Variants in CCDC178 observed in about 807,000 individuals in gnomAD.
CCDC178 encodes the protein coiled-coil domain-containing protein 178.
In CCDC178, 126 loss-of-function variants were observed where a neutral mutation model predicts 117.4. The ratio of observed to expected loss-of-function variants is 1.07; its 90% CI spans 0.93 to 1.24. The LOEUF (loss-of-function observed/expected upper bound fraction) is 1.24. Ranked by LOEUF, CCDC178 falls within the 50% of genes most tolerant of loss-of-function variation. CCDC178 has a pLI of 0.00. For synonymous variants in CCDC178, 283 were observed against 313.4 expected (o/e 0.90, Z 1.02); for missense variants, 1,030 against 986.9 (o/e 1.04, Z -0.59).
chr18:33,429,173 T>A (rs1203413361), intron 2 of CCDC178, among the ~76,000 whole-genome samples: 1 of 152,080 alleles, frequency 6.6e-6, no homozygotes, highest in Non-Finnish European at 1.5e-5. Flanking sequence ...ATACTGCAAA[T>A]GTGGATAACA....
rs1419433630 is a variant in CCDC178 at position 33,223,126 on chromosome 18, C to T, written c.1912G>A (p.Asp638Asn). The part of the protein sequence containing the change: ...KLRKKGKKTL[D>N]ALIETESKRS... ...CTTACCTCAGTTTCTATTAATGCATCAAGGGTTTTCTTCCCCTTTTTTCGT... is the reference window on the plus strand; with the variant it reads ...CTTACCTCAGTTTCTATTAATGCATTAAGGGTTTTCTTCCCCTTTTTTCGT... Residue 638 changes from aspartate (D) to asparagine (N), a missense_variant, in exon 18 of 23, where the codon GAT (aspartate) becomes AAT (asparagine). By Grantham distance (23) the Asp-to-Asn change is conservative. Transcript: ENST00000383096. 6.2e-7 allele frequency: 1 copy of T among 1,602,718 alleles called. No individual in the cohort carries two copies. The highest frequency in any genetic ancestry group is 8.5e-7 in the Non-Finnish European group (1 of 1,172,496).
rs189339319 is a variant in CCDC178 at position 33,255,508 on chromosome 18, G to T, written c.1410-10080C>A. On this transcript the variant is annotated intron_variant, in intron 14 of 22. Coordinates refer to ENST00000383096, the MANE Select transcript of CCDC178 (RefSeq NM_001105528.4). ...TATTGGTAATTGAAATAGAGAAAAA[G>T]TAAAGTACCCATTGGAGAGATATTT... Among the ~76,000 whole-genome samples, 238 of 152,158 alleles carry T rather than the reference G, an allele frequency of 1.6e-3. 1 individual carries two copies. The highest frequency in any genetic ancestry group is 5.4e-3 in the African/African-American group (226 of 41,552).
At chr18:33,312,058 C>T in intron 11 of CCDC178, among the ~76,000 whole-genome samples, 1 of 152,162 alleles carries the variant, frequency 6.6e-6, no homozygotes, top group Non-Finnish European at 1.5e-5. Flanking sequence ...TCCCTATCAT[C>T]TCTGTTAAGA....
At chr18:33,250,829 T>C (rs1195067195) in intron 14 of CCDC178, among the ~76,000 whole-genome samples, 1 of 150,858 alleles carries the variant, frequency 6.6e-6, no homozygotes, top group Non-Finnish European at 1.5e-5. Context: ...ACTGAAAAAA[T>C]TACACACACA....
intron 20 of CCDC178, among the ~76,000 whole-genome samples, chr18:33,138,268 T>C (rs1027384460): frequency 6.6e-6 from 1 of 152,222 alleles, no homozygotes; most frequent in African/African-American, 2.4e-5. Context: ...TGTTTATGTA[T>C]ATCTACATGA....
intron 21 of CCDC178, among the ~76,000 whole-genome samples, chr18:33,060,212 T>C (rs2056900363): frequency 6.6e-6 from 1 of 152,146 alleles, no homozygotes; most frequent in Non-Finnish European, 1.5e-5. Context: ...GCATCATTGG[T>C]AAAAGGAGCC....
Position 33,302,659 on chromosome 18 carries a change from G to A in CCDC178, c.1023-9347C>T, listed in dbSNP as rs936354450. Among the ~76,000 whole-genome samples, 4 of 152,262 alleles carry A rather than the reference G, an allele frequency of 2.6e-5. No homozygotes were observed. In the East Asian group the frequency reaches 5.8e-4, roughly 22 times the overall value. ...CAAAGAAAATGTGATATGTATACAC[G>A]ACGTAATACTATTCTCCACAAAAAG... On this transcript the variant is annotated intron_variant, in intron 11 of 22. Coordinates refer to ENST00000383096, the MANE Select transcript of CCDC178 (RefSeq NM_001105528.4).
intron 15 of CCDC178, 74 bp downstream of exon 15, chr18:33,245,171 A>C: frequency 2.3e-6 from 3 of 1,280,356 alleles, no homozygotes; most frequent in South Asian, 4.3e-5. Flanking sequence ...CTAATTATCA[A>C]GATGAAATCG....
At chr18:32,967,652 A>G (rs2054843208) in intron 22 of CCDC178, among the ~76,000 whole-genome samples, 1 of 151,708 alleles carries the variant, frequency 6.6e-6, no homozygotes, top group Non-Finnish European at 1.5e-5. Context: ...TAATGCATTT[A>G]GCCTTACTTT....
intron 15 of CCDC178, among the ~76,000 whole-genome samples, chr18:33,233,656 C>T (rs1450724061): frequency 3.3e-5 from 5 of 151,788 alleles, no homozygotes; most frequent in Admixed American, 6.6e-5. Context: ...ATGCCTAATA[C>T]CTTTAAGAAT....
intron 15 of CCDC178, 115 bp from the exon 16 acceptor site, chr18:33,226,970 A>C: frequency 2.7e-6 from 1 of 375,404 alleles, no homozygotes; most frequent in East Asian, 4.2e-5. Context: ...AGAGTAAAAT[A>C]TTAATTATAA....
intron 15 of CCDC178, among the ~76,000 whole-genome samples, chr18:33,237,371 T>C (rs1218888849): frequency 2.0e-5 from 3 of 151,830 alleles, no homozygotes; most frequent in Non-Finnish European, 4.4e-5. Flanking sequence ...TGTCCACCCC[T>C]GAGTAGAAAA....
chr18:33,136,666 C>T (rs554696150), intron 20 of CCDC178, among the ~76,000 whole-genome samples: 21 of 152,230 alleles, frequency 1.4e-4, no homozygotes, highest in Admixed American at 5.9e-4. Flanking sequence ...CACTGTTTAA[C>T]TCAATTTACA....
intron 21 of CCDC178, among the ~76,000 whole-genome samples, chr18:32,997,570 C>G (rs988417713): frequency 1.3e-5 from 2 of 152,056 alleles, no homozygotes; most frequent in African/African-American, 4.8e-5. Context: ...TAAAATCTCT[C>G]TCTTGTTCTC....
At chr18:33,166,711 T>A (rs1419896302) in intron 20 of CCDC178, among the ~76,000 whole-genome samples, 1 of 152,244 alleles carries the variant, frequency 6.6e-6, no homozygotes, top group Non-Finnish European at 1.5e-5. Flanking sequence ...CAAATTAAAC[T>A]AGCACATGTG....
chr18:33,085,557 C>T (rs1244456074), intron 21 of CCDC178, among the ~76,000 whole-genome samples: 1 of 151,812 alleles, frequency 6.6e-6, no homozygotes, highest in Non-Finnish European at 1.5e-5. Context: ...AGAGAGATTC[C>T]GTCTCAAAAA....
Position 32,948,883 on chromosome 18 carries a change from C to T in CCDC178, c.2524-10792G>A, listed in dbSNP as rs77628428. Among the ~76,000 whole-genome samples, 117 of 152,142 alleles carry T rather than the reference C, an allele frequency of 7.7e-4. 4 individuals carry two copies. The East Asian group carries it at 0.02, about 26-fold the overall frequency. ...GGAGACCTGTATTTCTATCTAGTGT[C>T]ATTTTGTCCTTCTTCCTGAAAGACT... is the stretch of plus-strand genomic sequence containing the variant. On this transcript the variant is annotated intron_variant, in intron 22 of 22. Coordinates refer to ENST00000383096, the MANE Select transcript of CCDC178 (RefSeq NM_001105528.4).
intron 15 of CCDC178, among the ~76,000 whole-genome samples, chr18:33,238,922 G>T (rs540028928): frequency 2.2e-4 from 34 of 152,086 alleles, no homozygotes; most frequent in Non-Finnish European, 5.0e-4. Context: ...AAGACTAACA[G>T]TGGATTTGCC....
chr18:32,943,691 T>C (rs2054288444), intron 22 of CCDC178, among the ~76,000 whole-genome samples: 1 of 152,208 alleles, frequency 6.6e-6, no homozygotes, highest in South Asian at 2.1e-4. Flanking sequence ...ACACTGAATA[T>C]TCTATTCCAC....
Sources: gnomAD v4.1 joint callset for allele counts (sites outside exome capture counted in the v4.1 genomes callset) on GRCh38, gnomAD v4.1.1 for gene constraint, MANE v1.5 for transcripts, NCBI Gene and HGNC (gene_info 2026-07-23, HGNC 2026-07-21) for gene names.